The following SYNE2 variants were observed in gnomAD, a reference collection of about 807,000 sequenced individuals.
The protein encoded by SYNE2 is spectrin repeat containing nuclear envelope protein 2.
A neutral mutation model predicts 856.3 loss-of-function variants in SYNE2; 431 were observed. That is an observed-to-expected ratio of 0.50 (90% CI 0.47 to 0.55). The LOEUF (loss-of-function observed/expected upper bound fraction) is 0.55. SYNE2 is among the 20% of genes least tolerant of loss of function. The probability of loss-of-function intolerance (pLI) is 0.00; values close to 1 mark genes in which losing one functional copy is unlikely to be tolerated. For synonymous variants in SYNE2, 2,923 were observed against 2,872.3 expected (o/e 1.02, Z -0.56); for missense variants, 8,129 against 8,023.2 (o/e 1.01, Z -0.50).
chr14:63,878,459 C>A (rs115449663), intron 1 of SYNE2, among the ~76,000 whole-genome samples: 2,104 of 152,324 alleles, frequency 0.014, 42 homozygotes, highest in African/African-American at 0.048. Context: ...AGAATCAAGA[C>A]AATCATTTGC....
At chr14:64,100,530 AAATATATATATATATAT>A (rs1361508064) in intron 63 of SYNE2, among the ~76,000 whole-genome samples, 1,350 of 63,880 alleles carry the variant, frequency 0.021, 94 homozygotes, top group African/African-American at 0.03. Flanking sequence ...AAAAAAAAAA[AAATATATATATATATAT>A]ATATATATAT....
rs758886763 is a variant in SYNE2, at chr14:64,052,390, C to G, written c.8477C>G (p.Ser2826Ter). The change falls in exon 48 of 116, where the codon TCA becomes TGA. Residue 2826 changes from serine to a stop codon, truncating the protein, a stop_gained. Transcript: ENST00000555002. LOFTEE classifies it high-confidence loss of function. ...QMLVLKSTQR[S>*]QQLEFKLEER... ...CTGGTTTTAAAATCAACTCAAAGAT[C>G]ACAGCAATTAGAATTTAAGTTGGAA... 6.2e-7 allele frequency: 1 copy of G among 1,613,966 alleles called. No homozygotes were observed. Among genetic ancestry groups the G allele is most frequent in the Non-Finnish European group, 8.5e-7 (1 of 1,179,982 alleles).
chr14:63,970,651 C>CTTTTTTTTTT (rs61126600), intron 11 of SYNE2, among the ~76,000 whole-genome samples: 119 of 98,822 alleles, frequency 1.2e-3, no homozygotes, highest in African/African-American at 1.3e-3. Flanking sequence ...TTTCTTTTTT[C>CTTTTTTTTTT]TTTTTTTTTT....
In SYNE2 at chr14:63,963,908, A is replaced by G. The variant is rs1595905726; in HGVS notation, c.898A>G (p.Lys300Glu). The G allele has an allele frequency of 2.5e-6, 4 of 1,612,182 alleles. No homozygotes were observed. Among genetic ancestry groups the G allele is most frequent in the Non-Finnish European group, 2.5e-6 (3 of 1,178,440 alleles). ...TGTGTGTAAAATACAGGGAAAGGTG[A>G]AAGATGCTATGGGCTGGTTAACTCT... ...GTGEEAQGKVKDAMGWLTLQK... is the reference protein window; with the variant it reads ...GTGEEAQGKVEDAMGWLTLQK... The change falls in exon 10 of 116, where the codon AAA becomes GAA. Residue 300 changes from lysine (K) to glutamate (E), a missense_variant. Lys to Glu is a moderately conservative substitution (Grantham distance 56). Around this residue, in one of 3 missense-constraint regions of SYNE2, gnomAD observed 2,422 missense variants for 2,357.4 expected, o/e 1.03. Transcript: ENST00000555002.
intron 32 of SYNE2, 144 bp from the exon 33 acceptor site, chr14:64,016,329 C>T (rs1028694963): frequency 4.9e-5 from 28 of 570,252 alleles, no homozygotes; most frequent in East Asian, 3.8e-4. Flanking sequence ...ACGATAAAAA[C>T]GTACTTTAAA....
At chr14:63,974,778 A>ATG (rs1363047557) in intron 11 of SYNE2, among the ~76,000 whole-genome samples, 1 of 119,336 alleles carries the variant, frequency 8.4e-6, no homozygotes, top group Non-Finnish European at 1.6e-5. Flanking sequence ...GTATATATAT[A>ATG]TGTGTGTATA....
chr14:64,203,951 A>G (rs770705117), intron 100 of SYNE2, among the ~76,000 whole-genome samples: 5 of 152,162 alleles, frequency 3.3e-5, no homozygotes, highest in Non-Finnish European at 7.4e-5. Context: ...TTCTGGGCTC[A>G]AGTGATCCTC....
rs754068232 is a variant in SYNE2, at chr14:63,940,647, C to T, written c.113C>T (p.Thr38Met). ...EQEDTQKKAFTCWINSQLARH... is the reference protein window; with the variant it reads ...EQEDTQKKAFMCWINSQLARH... Reference sequence around the variant, plus strand: ...GAAGACACCCAGAAGAAAGCCTTCACGTGCTGGATAAACTCACAGTTGGCC... The same window carrying T: ...GAAGACACCCAGAAGAAAGCCTTCATGTGCTGGATAAACTCACAGTTGGCC... Residue 38 changes from threonine (T) to methionine (M), a missense_variant, in exon 3 of 116, where the codon ACG (threonine) becomes ATG (methionine). Thr to Met is a moderately conservative substitution (Grantham distance 81). Coordinates refer to ENST00000555002, the MANE Select transcript of SYNE2 (RefSeq NM_182914.3). 4.3e-6 allele frequency: 7 copies of T among 1,614,104 alleles called. No homozygotes were observed. Among genetic ancestry groups the T allele is most frequent in the East Asian group, 4.5e-5 (2 of 44,872 alleles).
At chr14:64,022,286 A>T (rs536934695) in intron 37 of SYNE2, among the ~76,000 whole-genome samples, 1 of 152,196 alleles carries the variant, frequency 6.6e-6, no homozygotes, top group South Asian at 2.1e-4. Context: ...TGACCTGCTC[A>T]TTGTGGTTGG....
chr14:63,788,833 A>G (rs535086783), intron 1 of SYNE2, among the ~76,000 whole-genome samples: 1 of 152,362 alleles, frequency 6.6e-6, no homozygotes, highest in African/African-American at 2.4e-5. Flanking sequence ...TAGAACTAGC[A>G]TATGATCCAG....
At chr14:64,144,706 A>G (rs572387676) in intron 83 of SYNE2, among the ~76,000 whole-genome samples, 5 of 152,282 alleles carry the variant, frequency 3.3e-5, no homozygotes, top group African/African-American at 1.2e-4. Context: ...AAGCATTTGG[A>G]AAATGTAAAG....
At chr14:64,026,795 T>C in intron 42 of SYNE2, 65 bp downstream of exon 42, 1 of 1,538,814 alleles carries the variant, frequency 6.5e-7, no homozygotes. Flanking sequence ...AACAAGTATG[T>C]TTTGTCTGCC....
intron 65 of SYNE2, among the ~76,000 whole-genome samples, chr14:64,108,501 T>TGAA (rs1283176914): frequency 2.6e-5 from 4 of 152,140 alleles, no homozygotes; most frequent in Non-Finnish European, 4.4e-5. Context: ...GGGGGATGGG[T>TGAA]ACTATTTCCC....
chr14:64,041,771 AC>A (rs1391877274), intron 45 of SYNE2, among the ~76,000 whole-genome samples: 1 of 151,896 alleles, frequency 6.6e-6, no homozygotes, highest in Non-Finnish European at 1.5e-5. Flanking sequence ...AATCAGTTGA[AC>A]CCAGGAGATT....
At chr14:63,930,145 G>T (rs1417954507) in intron 2 of SYNE2, among the ~76,000 whole-genome samples, 1 of 151,990 alleles carries the variant, frequency 6.6e-6, no homozygotes, top group Non-Finnish European at 1.5e-5. Flanking sequence ...AAGTTAGCTG[G>T]GCATGGTGGC....
chr14:64,021,733 G>C, intron 36 of SYNE2, 124 bp from the exon 37 acceptor site: 9 of 1,120,408 alleles, frequency 8.0e-6, no homozygotes, highest in Middle Eastern at 2.9e-4. Flanking sequence ...TACTAGCAAA[G>C]AGAAAGTGAA....
intron 1 of SYNE2, among the ~76,000 whole-genome samples, chr14:63,871,651 C>A (rs12587472): frequency 0.63 from 95,180 of 150,214 alleles, 30,609 homozygotes; most frequent in South Asian, 0.77. Context: ...ACTGTGAGAA[C>A]CCCAGCTAAC....
intron 6 of SYNE2, among the ~76,000 whole-genome samples, chr14:63,942,722 T>G (rs551416379): frequency 6.6e-6 from 1 of 152,280 alleles, no homozygotes; most frequent in South Asian, 2.1e-4. Flanking sequence ...CTTGAACTCC[T>G]GACCTCAGGT....
intron 2 of SYNE2, among the ~76,000 whole-genome samples, chr14:63,938,214 T>C (rs748736170): frequency 1.4e-4 from 21 of 152,104 alleles, no homozygotes; most frequent in Non-Finnish European, 2.9e-4. Flanking sequence ...CCCAGCACTT[T>C]GGGAGGTGAG....
Sources: allele counts gnomAD v4.1 joint callset (sites outside exome capture counted in the v4.1 genomes callset), GRCh38; gene constraint gnomAD v4.1.1; regional missense constraint gnomAD v4.1.1; transcripts MANE v1.5; gene names NCBI Gene and HGNC (gene_info 2026-07-23, HGNC 2026-07-21).